ZNF804B: variants seen among roughly 807,000 people sequenced by gnomAD.
The protein encoded by ZNF804B is zinc finger protein 804B.
A neutral mutation model predicts 101.4 loss-of-function variants in ZNF804B; 80 were observed. That is an observed-to-expected ratio of 0.79 (90% confidence interval 0.66 to 0.95). The LOEUF is 0.95. Ranked by LOEUF, ZNF804B falls within the 40% of genes least tolerant of loss-of-function variation. The pLI, the probability that ZNF804B is intolerant of heterozygous loss-of-function variation, is 0.00. For synonymous variants in ZNF804B, 622 were observed against 558.8 expected (o/e 1.11, Z -1.59); for missense variants, 1,673 against 1,561.9 (o/e 1.07, Z -1.20).
In ZNF804B at chr7:88,770,781, T is replaced by C. The variant is rs567569907; in HGVS notation, c.108+10697T>C. On this transcript the variant is annotated intron_variant, in intron 1 of 3. Transcript: ENST00000333190. ...AAGAGTGTAGGGAAACAAGAAGAGC[T>C]CTCTGTTCAACATAATATCCCTTTA... Among the ~76,000 whole-genome samples the C allele has an allele frequency of 1.2e-4, 18 of 151,946 alleles. No individual in the cohort carries two copies. In the South Asian group the frequency reaches 3.5e-3, roughly 30 times the overall value.
chr7:88,931,658 C>T (rs1465180642), intron 1 of ZNF804B, among the ~76,000 whole-genome samples: 1 of 151,774 alleles, frequency 6.6e-6, no homozygotes, highest in Non-Finnish European at 1.5e-5. Context: ...ATCTGATTAT[C>T]TGTCTTCTCC....
chr7:89,223,042 CA>C (rs537442536), intron 2 of ZNF804B, among the ~76,000 whole-genome samples: 265 of 151,866 alleles, frequency 1.7e-3, no homozygotes, highest in Non-Finnish European at 2.9e-3. Flanking sequence ...TTTCAAATTT[CA>C]AAGCTAAATC....
chr7:89,015,416 A>C (rs561778965), intron 1 of ZNF804B, among the ~76,000 whole-genome samples: 1 of 151,860 alleles, frequency 6.6e-6, no homozygotes, highest in Admixed American at 6.6e-5. Flanking sequence ...TACATGTGCT[A>C]TGCTGGTGTG....
chr7:89,166,653 G>A (rs921880289), intron 1 of ZNF804B, among the ~76,000 whole-genome samples: 1 of 152,094 alleles, frequency 6.6e-6, no homozygotes, highest in Non-Finnish European at 1.5e-5. Context: ...CATCACTACT[G>A]GTGCTTTATG....
intron 1 of ZNF804B, among the ~76,000 whole-genome samples, chr7:88,952,347 C>T (rs1415681194): frequency 6.6e-6 from 1 of 151,728 alleles, no homozygotes; most frequent in Non-Finnish European, 1.5e-5. Flanking sequence ...TGACTGTGTG[C>T]ATTTTTATTT....
chr7:89,314,110 T>A (rs1790684593), intron 2 of ZNF804B, among the ~76,000 whole-genome samples: 2 of 152,216 alleles, frequency 1.3e-5, no homozygotes, highest in South Asian at 2.1e-4. Flanking sequence ...TCAAAAAAAA[T>A]TTATCAAAGA....
At chr7:89,122,752 C>G (rs1790425031) in intron 1 of ZNF804B, among the ~76,000 whole-genome samples, 1 of 152,200 alleles carries the variant, frequency 6.6e-6, no homozygotes, top group Non-Finnish European at 1.5e-5. Flanking sequence ...CATCTTTTCT[C>G]TCTTTACTGT....
intron 1 of ZNF804B, among the ~76,000 whole-genome samples, chr7:88,771,497 C>G (rs968159023): frequency 3.9e-5 from 6 of 152,040 alleles, no homozygotes; most frequent in Middle Eastern, 3.2e-3. Flanking sequence ...AAAGAACACA[C>G]AGATTTGCAG....
chr7:88,853,265 A>G (rs1329554140), intron 1 of ZNF804B, among the ~76,000 whole-genome samples: 1 of 152,134 alleles, frequency 6.6e-6, no homozygotes, highest in Non-Finnish European at 1.5e-5. Flanking sequence ...GCCCTCACGC[A>G]CTGTTAGATT....
chr7:89,285,944 A>G (rs905038104), intron 2 of ZNF804B, among the ~76,000 whole-genome samples: 3 of 146,878 alleles, frequency 2.0e-5, no homozygotes, highest in African/African-American at 5.5e-5. Flanking sequence ...AGCCTACTCA[A>G]TATGGGCACA....
At chr7:88,792,106 G>C (rs1790390828) in intron 1 of ZNF804B, among the ~76,000 whole-genome samples, 1 of 152,070 alleles carries the variant, frequency 6.6e-6, no homozygotes, top group South Asian at 2.1e-4. Flanking sequence ...AAGTGAGCAA[G>C]GCAAAGTGCA....
At chr7:89,327,602 A>G (rs1210681747) in intron 3 of ZNF804B, 128 bp downstream of exon 3, 15 of 1,191,928 alleles carry the variant, frequency 1.3e-5, no homozygotes, top group Non-Finnish European at 1.7e-5. Context: ...AAGGGCAAAT[A>G]TAGTTAAACA....
chr7:89,171,406 C>G (rs993349832), intron 1 of ZNF804B, among the ~76,000 whole-genome samples: 12 of 109,400 alleles, frequency 1.1e-4, no homozygotes, highest in Non-Finnish European at 2.1e-4. Context: ...TCTTCTTCTT[C>G]TTCTTCTTCT....
At chr7:88,905,718 A>G (rs573350313) in intron 1 of ZNF804B, among the ~76,000 whole-genome samples, 3 of 151,984 alleles carry the variant, frequency 2.0e-5, no homozygotes, top group Admixed American at 6.6e-5. Flanking sequence ...ATGTTGGCCT[A>G]AAGTTTTCAT....
intron 1 of ZNF804B, among the ~76,000 whole-genome samples, chr7:88,819,884 T>C (rs936875580): frequency 9.9e-5 from 15 of 152,130 alleles, no homozygotes; most frequent in Non-Finnish European, 2.9e-5. Flanking sequence ...CCCATTTGTA[T>C]TGGCAGGGTC....
chr7:89,017,237 C>T (rs1449454508), intron 1 of ZNF804B, among the ~76,000 whole-genome samples: 1 of 152,138 alleles, frequency 6.6e-6, no homozygotes, highest in Non-Finnish European at 1.5e-5. Context: ...AGATTTTGGG[C>T]TGAGACAATG....
At chr7:89,043,103 A>G (rs957994688) in intron 1 of ZNF804B, among the ~76,000 whole-genome samples, 4 of 152,240 alleles carry the variant, frequency 2.6e-5, no homozygotes, top group African/African-American at 9.6e-5. Flanking sequence ...CAAAGTCACA[A>G]TGCTGAAAGC....
chr7:89,064,152 C>T (rs1375949045), intron 1 of ZNF804B, among the ~76,000 whole-genome samples: 2 of 152,058 alleles, frequency 1.3e-5, no homozygotes, highest in Non-Finnish European at 2.9e-5. Flanking sequence ...GAGCTCTGGA[C>T]GTTTAATGGT....
At chr7:88,988,756 TC>T (rs749476802) in intron 1 of ZNF804B, among the ~76,000 whole-genome samples, 60 of 152,198 alleles carry the variant, frequency 3.9e-4, no homozygotes, top group Non-Finnish European at 7.6e-4. Context: ...GAAGAGTATC[TC>T]TATAGGGAGA....
Sources: allele counts gnomAD v4.1 joint callset (sites outside exome capture counted in the v4.1 genomes callset), GRCh38; gene constraint gnomAD v4.1.1; transcripts MANE v1.5; gene names NCBI Gene and HGNC (gene_info 2026-07-23, HGNC 2026-07-21).